BZW2: variants seen among roughly 807,000 people sequenced by gnomAD.
The protein encoded by BZW2 is eIF5-mimic protein 1.
BZW2 carries 23 observed loss-of-function variants against 53.2 expected under a neutral mutation model. The ratio of observed to expected loss-of-function variants is 0.43; its 90% CI spans 0.31 to 0.61. BZW2 has a LOEUF of 0.61. Among genes scored for constraint, BZW2 ranks in the 20% least tolerant of loss-of-function variants. BZW2 has a pLI of 0.09. For synonymous variants in BZW2, 227 were observed against 186.4 expected (o/e 1.22, Z -1.77); for missense variants, 409 against 503.1 (o/e 0.81, Z 1.79).
At chr7:16,704,492 T>G in intron 10 of BZW2, 55 bp from the exon 11 acceptor site, 2 of 1,458,142 alleles carry the variant, frequency 1.4e-6, no homozygotes, top group Non-Finnish European at 1.8e-6. Flanking sequence ...CATGAAGTTG[T>G]TTTGAAACAT....
At chr7:16,656,565 A>G (rs997173979) in intron 1 of BZW2, among the ~76,000 whole-genome samples, 72 of 137,544 alleles carry the variant, frequency 5.2e-4, no homozygotes, top group African/African-American at 2.0e-3. Context: ...GCACACACAC[A>G]CACACACACA....
rs1222172004 is a variant in BZW2 at position 16,689,841 on chromosome 7, G to A, written c.586G>A (p.Ala196Thr). 1 of 1,611,674 alleles carries A rather than the reference G, an allele frequency of 6.2e-7. No homozygotes were observed. Among genetic ancestry groups the A allele is most frequent in the South Asian group, 1.1e-5 (1 of 90,590 alleles). ...FAVKLFKAWM[A>T]EKDANSVTSS... ...TGTCAAGCTTTTCAAAGCATGGATGGCAGAAAAAGATGCCAACTCTGTTAC... is the reference window on the plus strand; with the variant it reads ...TGTCAAGCTTTTCAAAGCATGGATGACAGAAAAAGATGCCAACTCTGTTAC... Residue 196 changes from alanine to threonine, a missense_variant, in exon 7 of 12, where the codon GCA (alanine) becomes ACA (threonine). Physicochemically the swap from Ala to Thr is moderately conservative, Grantham distance 58 (BLOSUM62 0). Transcript: ENST00000258761.
intron 1 of BZW2, 56 bp from the exon 2 acceptor site, chr7:16,665,380 GT>G (rs1782391932): frequency 3.7e-6 from 6 of 1,603,680 alleles, no homozygotes; most frequent in Non-Finnish European, 5.1e-6. Context: ...TTGGCCATAT[GT>G]TTTCCATATA....
Position 16,704,678 on chromosome 7 carries a change from C to A in BZW2, c.1231+9C>A. On this transcript the variant is annotated intron_variant, in intron 11 of 11. Transcript: ENST00000258761. ...ACAAAATGCAGAAGAAGGTATGATTCTGTTTACAAACATTGATGACCTTTA... is the reference window on the plus strand; with the variant it reads ...ACAAAATGCAGAAGAAGGTATGATTATGTTTACAAACATTGATGACCTTTA... 6.4e-7 allele frequency: 1 copy of A among 1,562,884 alleles called. No individual in the cohort carries two copies. The highest frequency in any genetic ancestry group is 1.2e-5 in the South Asian group (1 of 85,836).
intron 1 of BZW2, among the ~76,000 whole-genome samples, chr7:16,656,190 ATG>A (rs531898619): frequency 0.015 from 2,187 of 149,474 alleles, 36 homozygotes; most frequent in African/African-American, 0.051. Flanking sequence ...CAGTCCAGGA[ATG>A]TGTATTGCAT....
intron 6 of BZW2, 150 bp downstream of exon 6, chr7:16,686,190 T>G: frequency 8.0e-7 from 1 of 1,245,948 alleles, no homozygotes; most frequent in Non-Finnish European, 1.1e-6. Flanking sequence ...ATATTGCCTT[T>G]CAAATAATAA....
rs114076307 is a variant in BZW2, at chr7:16,695,062, G to A, written c.822+58G>A. The stretch of plus-strand genomic sequence containing the variant: ...CACATGAATGAGAGGAATTACATGG[G>A]CTGTGTAGCAAAGGCTTTCCTTAAC... On this transcript the variant is annotated intron_variant, in intron 8 of 11. Coordinates refer to ENST00000258761, the MANE Select transcript of BZW2 (RefSeq NM_014038.3). 573 of 1,437,676 alleles carry A rather than the reference G, an allele frequency of 4.0e-4. 4 individuals carry two copies. The African/African-American group carries it at 7.4e-3, about 19-fold the overall frequency. The allele number at this position is 1,437,676 out of a possible 1,614,324, so 89.1% of individuals were successfully genotyped here.
chr7:16,705,481 C>G (rs924313249), intron 11 of BZW2, among the ~76,000 whole-genome samples: 1 of 151,904 alleles, frequency 6.6e-6, no homozygotes, highest in South Asian at 2.1e-4. Context: ...GTCGGGAGAT[C>G]GAGACCATCT....
chr7:16,659,577 GTTCTT>G (rs1466739536), intron 1 of BZW2, among the ~76,000 whole-genome samples: 1 of 151,926 alleles, frequency 6.6e-6, no homozygotes, highest in Non-Finnish European at 1.5e-5. Context: ...TATGTTACTT[GTTCTT>G]TTAATTTTAG....
intron 7 of BZW2, among the ~76,000 whole-genome samples, chr7:16,692,315 G>T (rs1035387896): frequency 6.6e-6 from 1 of 152,156 alleles, no homozygotes; most frequent in Non-Finnish European, 1.5e-5. Context: ...CAATAAGTAT[G>T]TATCGATTAT....
intron 7 of BZW2, among the ~76,000 whole-genome samples, chr7:16,694,498 ACATAACCCACTAATCCAT>A (rs1783418554): frequency 2.0e-5 from 3 of 152,190 alleles, no homozygotes; most frequent in Admixed American, 2.0e-4. Flanking sequence ...TCCCCTCCCA[ACATAACCCACTAATCCAT>A]GAATGGATTA....
At chr7:16,681,744 A>G (rs940027786) in intron 4 of BZW2, among the ~76,000 whole-genome samples, 2 of 152,154 alleles carry the variant, frequency 1.3e-5, no homozygotes, top group Non-Finnish European at 2.9e-5. Flanking sequence ...AGGCAGGAGG[A>G]TCACTTGAAC....
chr7:16,673,800 G>C (rs1436406851), intron 2 of BZW2, among the ~76,000 whole-genome samples: 2 of 152,080 alleles, frequency 1.3e-5, no homozygotes. Context: ...GAGGTCATGA[G>C]ACCAAAAAGT....
intron 1 of BZW2, among the ~76,000 whole-genome samples, chr7:16,653,604 A>T (rs1051513566): frequency 7.2e-5 from 11 of 152,164 alleles, no homozygotes; most frequent in African/African-American, 1.9e-4. Context: ...CTCCTCTACT[A>T]TGTAAAGCTC....
intron 1 of BZW2, among the ~76,000 whole-genome samples, chr7:16,660,728 A>G (rs1284358668): frequency 6.6e-6 from 1 of 152,182 alleles, no homozygotes; most frequent in Non-Finnish European, 1.5e-5. Flanking sequence ...TTGTCTAGTC[A>G]CTAGCCGCAT....
intron 8 of BZW2, chr7:16,696,024 C>A (rs1200749840): frequency 6.6e-6 from 1 of 152,176 alleles, no homozygotes; most frequent in African/African-American, 2.4e-5. Context: ...AGCACAGGGA[C>A]TGGGACTGCC....
intron 10 of BZW2, chr7:16,698,404 G>A: frequency 2.1e-6 from 1 of 481,094 alleles, no homozygotes; most frequent in Non-Finnish European, 3.7e-6. Context: ...TAGGCCCCTG[G>A]GCACTTCTCA....
At chr7:16,700,856 T>C (rs535857239) in intron 10 of BZW2, 1 of 152,312 alleles carries the variant, frequency 6.6e-6, no homozygotes, top group South Asian at 2.1e-4. Context: ...GTTTTTAAAA[T>C]GTAATGGAAA....
intron 1 of BZW2, among the ~76,000 whole-genome samples, 196 bp from the exon 2 acceptor site, chr7:16,665,241 G>A (rs1261624246): frequency 6.6e-6 from 1 of 151,872 alleles, no homozygotes; most frequent in African/African-American, 2.4e-5. Context: ...GGGATGCAGA[G>A]GTTGCAGTGA....
Sources: allele counts gnomAD v4.1 joint callset (sites outside exome capture counted in the v4.1 genomes callset), GRCh38; gene constraint gnomAD v4.1.1; transcripts MANE v1.5; gene names NCBI Gene and HGNC (gene_info 2026-07-23, HGNC 2026-07-21).